NRXN3: variants seen among roughly 807,000 people sequenced by gnomAD.
NRXN3 encodes neurexin 3.
Under a neutral mutation model 137.6 loss-of-function variants are expected in NRXN3, and 32 were observed. That is an observed-to-expected ratio of 0.23 (90% CI 0.18 to 0.31). The LOEUF (loss-of-function observed/expected upper bound fraction) is 0.31. Among genes scored for constraint, NRXN3 ranks in the 10% least tolerant of loss-of-function variants. The pLI is 1.00. For synonymous variants in NRXN3, 798 were observed against 784.5 expected (o/e 1.02, Z -0.29); for missense variants, 1,574 against 2,062.5 (o/e 0.76, Z 4.59).
At chr14:79,360,976 C>T (rs2093661903) in intron 15 of NRXN3, among the ~76,000 whole-genome samples, 1 of 152,152 alleles carries the variant, frequency 6.6e-6, no homozygotes, top group Non-Finnish European at 1.5e-5. Flanking sequence ...AAAAGAATAT[C>T]ATGCAAACTC....
intron 4 of NRXN3, among the ~76,000 whole-genome samples, chr14:78,513,963 C>T (rs530046056): frequency 6.6e-6 from 1 of 152,240 alleles, no homozygotes; most frequent in South Asian, 2.1e-4. Flanking sequence ...TGTTCTGGGT[C>T]AGTTCTCTTT....
At chr14:79,480,010 T>TA (rs2096592998) in intron 16 of NRXN3, among the ~76,000 whole-genome samples, 1 of 152,186 alleles carries the variant, frequency 6.6e-6, no homozygotes, top group South Asian at 2.1e-4. Context: ...TTAAAAACGC[T>TA]AAATGATCTC....
intron 16 of NRXN3, among the ~76,000 whole-genome samples, chr14:79,498,871 A>G (rs1206150160): frequency 6.6e-6 from 1 of 152,178 alleles, no homozygotes; most frequent in East Asian, 1.9e-4. Flanking sequence ...TACAGCCTCA[A>G]ACTCCTAGAG....
chr14:79,469,185 T>C (rs1296831272), intron 16 of NRXN3, among the ~76,000 whole-genome samples: 2 of 152,246 alleles, frequency 1.3e-5, no homozygotes, highest in Non-Finnish European at 2.9e-5. Context: ...GGCACAGACA[T>C]GAGCATCTTT....
intron 15 of NRXN3, among the ~76,000 whole-genome samples, chr14:79,267,009 A>G (rs1258698165): frequency 6.6e-6 from 1 of 152,232 alleles, no homozygotes; most frequent in African/African-American, 2.4e-5. Context: ...TATCATATAT[A>G]TAATTGAAAG....
At chr14:79,780,534 G>C (rs1413074662) in intron 19 of NRXN3, among the ~76,000 whole-genome samples, 1 of 152,044 alleles carries the variant, frequency 6.6e-6, no homozygotes, top group Non-Finnish European at 1.5e-5. Context: ...GTGTGAACCC[G>C]GGAGGCGGAG....
At chr14:78,316,629 A>C (rs1025995015) in intron 4 of NRXN3, among the ~76,000 whole-genome samples, 6 of 152,212 alleles carry the variant, frequency 3.9e-5, no homozygotes, top group Non-Finnish European at 7.3e-5. Flanking sequence ...CTTTCTTCCC[A>C]GCAGAGAATG....
At chr14:79,796,003 A>G (rs2099159967) in intron 19 of NRXN3, among the ~76,000 whole-genome samples, 1 of 152,170 alleles carries the variant, frequency 6.6e-6, no homozygotes, top group Non-Finnish European at 1.5e-5. Flanking sequence ...TTTCCCTTAT[A>G]ATGGTTAGAC....
intron 16 of NRXN3, among the ~76,000 whole-genome samples, chr14:79,556,029 C>A (rs2097426109): frequency 6.6e-6 from 1 of 152,140 alleles, no homozygotes; most frequent in Admixed American, 6.5e-5. Flanking sequence ...AGAACACAGG[C>A]CCCTCTCTTC....
At chr14:79,317,607 A>G (rs751544408) in intron 15 of NRXN3, among the ~76,000 whole-genome samples, 5 of 152,150 alleles carry the variant, frequency 3.3e-5, no homozygotes, top group Non-Finnish European at 7.3e-5. Flanking sequence ...GAGAGACACA[A>G]TTCAACTCAG....
chr14:79,413,287 G>T (rs1183379210), intron 15 of NRXN3, among the ~76,000 whole-genome samples: 1 of 152,174 alleles, frequency 6.6e-6, no homozygotes, highest in Non-Finnish European at 1.5e-5. Flanking sequence ...GTTGTTGGAT[G>T]ATAATGCTTA....
intron 11 of NRXN3, among the ~76,000 whole-genome samples, chr14:78,965,660 G>A (rs2099416087): frequency 6.6e-6 from 1 of 152,184 alleles, no homozygotes; most frequent in Non-Finnish European, 1.5e-5. Flanking sequence ...AGACTTGTGT[G>A]TTGTGTCTTT....
At chr14:78,966,769 T>G (rs31416) in intron 12 of NRXN3, among the ~76,000 whole-genome samples, 1 of 152,114 alleles carries the variant, frequency 6.6e-6, no homozygotes, top group African/African-American at 2.4e-5. Flanking sequence ...AGATGAAACA[T>G]AAATATTTTA....
chr14:79,280,074 A>G, intron 15 of NRXN3: 2 of 1,364,090 alleles, frequency 1.5e-6, no homozygotes, highest in Non-Finnish European at 1.9e-6. Context: ...GCTCCGGGAA[A>G]GAGAAGGGGC....
chr14:78,303,943 A>T (rs2077114658), intron 4 of NRXN3, among the ~76,000 whole-genome samples: 1 of 152,198 alleles, frequency 6.6e-6, no homozygotes, highest in Non-Finnish European at 1.5e-5. Flanking sequence ...CAAGCTCAGT[A>T]CTAGGGCCAG....
intron 4 of NRXN3, among the ~76,000 whole-genome samples, chr14:78,381,644 GATTAT>G (rs2089148118): frequency 6.6e-6 from 1 of 152,148 alleles, no homozygotes; most frequent in Admixed American, 6.5e-5. Context: ...GTCTATAGGA[GATTAT>G]ATTATAATAG....
At chr14:78,859,803 C>T (rs966241710) in intron 10 of NRXN3, among the ~76,000 whole-genome samples, 1 of 152,108 alleles carries the variant, frequency 6.6e-6, no homozygotes, top group African/African-American at 2.4e-5. Context: ...ATTTTCTTCA[C>T]ACTTTGGTCT....
At chr14:79,191,903 A>G (rs1317182218) in intron 15 of NRXN3, among the ~76,000 whole-genome samples, 1 of 152,080 alleles carries the variant, frequency 6.6e-6, no homozygotes, top group Non-Finnish European at 1.5e-5. Context: ...GCTTCTAAGA[A>G]AATCTCAAAT....
At chr14:78,765,259 T>A (rs944477211) in intron 8 of NRXN3, among the ~76,000 whole-genome samples, 1 of 152,158 alleles carries the variant, frequency 6.6e-6, no homozygotes, top group African/African-American at 2.4e-5. Flanking sequence ...GTTCAAGAAA[T>A]TCTCCTGTGT....
Sources: allele counts gnomAD v4.1 joint callset (sites outside exome capture counted in the v4.1 genomes callset), GRCh38; gene constraint gnomAD v4.1.1; transcripts MANE v1.5; gene names NCBI Gene and HGNC (gene_info 2026-07-23, HGNC 2026-07-21).